Variants in GBF1 observed in about 807,000 individuals in gnomAD.
The protein encoded by GBF1 is Golgi-specific brefeldin A-resistance guanine nucleotide exchange factor 1.
GBF1 carries 114 observed loss-of-function variants against 210.5 expected under a neutral mutation model. The observed-to-expected ratio is 0.54, with a 90% CI of 0.47 to 0.63. The LOEUF (loss-of-function observed/expected upper bound fraction) is 0.63. GBF1 is among the 30% of genes least tolerant of loss of function. GBF1 has a pLI of 0.00. For synonymous variants in GBF1, 850 were observed against 889.2 expected (o/e 0.96, Z 0.78); for missense variants, 1,851 against 2,357.7 (o/e 0.79, Z 4.45).
chr10:102,371,843 C>T (rs991316564), intron 29 of GBF1, among the ~76,000 whole-genome samples: 15 of 151,694 alleles, frequency 9.9e-5, no homozygotes, highest in East Asian at 1.9e-4. Context: ...GCAGGAGAAT[C>T]GCTTGAACTC....
At chr10:102,243,768 GCC>G (rs1216936722), upstream of GBF1, among the ~76,000 whole-genome samples, 1 of 152,170 alleles carries the variant, frequency 6.6e-6, no homozygotes, top group Non-Finnish European at 1.5e-5. Flanking sequence ...CCGACCAGAA[GCC>G]CAATGTGCAG....
intron 4 of GBF1, among the ~76,000 whole-genome samples, chr10:102,345,052 G>C (rs1384020919): frequency 6.6e-6 from 1 of 152,076 alleles, no homozygotes; most frequent in Non-Finnish European, 1.5e-5. Flanking sequence ...GGGTGGCCAA[G>C]GCGGGTGGAT....
intron 3 of GBF1, among the ~76,000 whole-genome samples, chr10:102,297,420 A>C (rs2076997560): frequency 6.6e-6 from 1 of 152,252 alleles, no homozygotes. Flanking sequence ...TTTTGTTAGC[A>C]TGCTTAATTT....
chr10:102,285,973 TA>T (rs923385260), intron 3 of GBF1, among the ~76,000 whole-genome samples: 5 of 151,150 alleles, frequency 3.3e-5, no homozygotes, highest in African/African-American at 7.3e-5. Context: ...TTGGTTGCTT[TA>T]AAAAAAAAGG....
intron 3 of GBF1, among the ~76,000 whole-genome samples, chr10:102,262,187 C>G (rs2073323116): frequency 6.6e-6 from 1 of 152,146 alleles, no homozygotes; most frequent in Non-Finnish European, 1.5e-5. Context: ...TCAATTGAAA[C>G]AGCTTGGAAA....
At chr10:102,378,946 T>C (rs925656253) in intron 33 of GBF1, among the ~76,000 whole-genome samples, 1 of 152,016 alleles carries the variant, frequency 6.6e-6, no homozygotes, top group Non-Finnish European at 1.5e-5. Flanking sequence ...AAAATAAAAT[T>C]AAATTAACAA....
chr10:102,321,756 T>G (rs1465677644), intron 3 of GBF1, among the ~76,000 whole-genome samples: 1 of 152,046 alleles, frequency 6.6e-6, no homozygotes, highest in African/African-American at 2.4e-5. Flanking sequence ...GAGACGGGGT[T>G]TCGCCATGTT....
intron 3 of GBF1, among the ~76,000 whole-genome samples, chr10:102,313,716 G>T (rs1394279635): frequency 6.6e-6 from 1 of 152,132 alleles, no homozygotes. Flanking sequence ...GTCATTAGGT[G>T]ACTTGGAACT....
intron 7 of GBF1, among the ~76,000 whole-genome samples, chr10:102,353,112 C>T (rs921321869): frequency 6.6e-6 from 1 of 152,122 alleles, no homozygotes. Flanking sequence ...TTTTTGCTCT[C>T]AAATCTATAG....
chr10:102,247,816 C>T (rs1181412645), intron 1 of GBF1, among the ~76,000 whole-genome samples: 2 of 152,216 alleles, frequency 1.3e-5, no homozygotes, highest in East Asian at 3.9e-4. Context: ...CCAGTCTTGA[C>T]AGTGATGCTC....
rs1260062525 is a variant in GBF1, at chr10:102,284,346, A to G, written c.163+24230A>G. Reference sequence around the variant, plus strand: ...GTGGCATTTAGTACATTCACAATGTACCCTATCTAATTCCAAAACATTTTC... The same window carrying G: ...GTGGCATTTAGTACATTCACAATGTGCCCTATCTAATTCCAAAACATTTTC... On this transcript the variant is annotated intron_variant, in intron 3 of 39. Transcript: ENST00000369983. Among the ~76,000 whole-genome samples the G allele has an allele frequency of 2.0e-5, 3 of 152,298 alleles. No homozygotes were observed. In the East Asian group the frequency reaches 5.8e-4, roughly 29 times the overall value.
chr10:102,231,041 G>T, the GBF1 span: 1 of 1,587,724 alleles, frequency 6.3e-7, no homozygotes, highest in Non-Finnish European at 8.6e-7. Context: ...CCTTTGCATA[G>T]CTCGGCCTGC....
intron 1 of GBF1, among the ~76,000 whole-genome samples, chr10:102,252,191 T>A (rs2133919304): frequency 6.6e-6 from 1 of 151,816 alleles, no homozygotes; most frequent in African/African-American, 2.4e-5. Context: ...AATACAAAAT[T>A]GGCCCGGCAT....
At chr10:102,371,699 C>T (rs553836116) in intron 29 of GBF1, among the ~76,000 whole-genome samples, 9 of 152,272 alleles carry the variant, frequency 5.9e-5, no homozygotes, top group East Asian at 1.9e-4. Context: ...GAGGCCACAG[C>T]GGGCAGATCA....
intron 3 of GBF1, among the ~76,000 whole-genome samples, chr10:102,323,239 G>GAAAAAA (rs775888621): frequency 1.9e-3 from 127 of 65,518 alleles, no homozygotes; most frequent in Non-Finnish European, 2.1e-3. Flanking sequence ...CTCCAAAATT[G>GAAAAAA]AAAAAAAAAA....
In GBF1 at chr10:102,367,179, T is replaced by C. The variant is rs750740089; in HGVS notation, c.2528T>C (p.Val843Ala). 2 of 1,614,064 alleles carry C rather than the reference T, an allele frequency of 1.2e-6. No homozygotes were observed. Among genetic ancestry groups the C allele is most frequent in the South Asian group, 1.1e-5 (1 of 91,082 alleles). ...MLNTDQHNHN[V>A]RKQNAPMTLE... ...AATACTGACCAGCACAACCACAATG[T>C]TCGTAAACAGAATGCACCCATGACC... The change falls in exon 20 of 40, where the codon GTT (valine) becomes GCT (alanine). Residue 843 changes from valine to alanine, a missense_variant. Around this residue, in one of 3 missense-constraint regions of GBF1, gnomAD observed 80 missense variants for 151.4 expected, o/e 0.53. Coordinates refer to ENST00000369983, the MANE Select transcript of GBF1 (RefSeq NM_001377137.1).
chr10:102,244,032 A>G (rs564935683), upstream of GBF1, among the ~76,000 whole-genome samples: 43 of 152,342 alleles, frequency 2.8e-4, no homozygotes, highest in African/African-American at 9.9e-4. Context: ...TGGGAGGCTG[A>G]GGCAGGAGAA....
At chr10:102,357,851 T>C (rs1311141085) in intron 8 of GBF1, among the ~76,000 whole-genome samples, 188 bp from the exon 9 acceptor site, 1 of 152,152 alleles carries the variant, frequency 6.6e-6, no homozygotes, top group African/African-American at 2.4e-5. Flanking sequence ...CATGCCAACC[T>C]GTGAAGTGGT....
intron 3 of GBF1, among the ~76,000 whole-genome samples, chr10:102,320,279 T>C (rs192992747): frequency 6.6e-6 from 1 of 152,130 alleles, no homozygotes; most frequent in East Asian, 1.9e-4. Flanking sequence ...TGATCTTGAG[T>C]AGTCTGATGC....
Sources: gnomAD v4.1 joint callset for allele counts (sites outside exome capture counted in the v4.1 genomes callset) on GRCh38, gnomAD v4.1.1 for gene constraint, gnomAD v4.1.1 regional missense constraint, MANE v1.5 for transcripts, NCBI Gene and HGNC (gene_info 2026-07-23, HGNC 2026-07-21) for gene names.